The following PPP2CA variants were observed in gnomAD, a reference collection of about 807,000 sequenced individuals.
PPP2CA encodes serine/threonine-protein phosphatase 2A catalytic subunit alpha isoform.
Under a neutral mutation model 38.8 loss-of-function variants are expected in PPP2CA, and 5 were observed. The ratio of observed to expected loss-of-function variants is 0.13; its 90% CI spans 0.07 to 0.27. The LOEUF (loss-of-function observed/expected upper bound fraction) is 0.27, where lower values mean the gene tolerates loss of function less well. Among genes scored for constraint, PPP2CA ranks in the 10% least tolerant of loss-of-function variants. PPP2CA has a pLI of 1.00. For synonymous variants in PPP2CA, 152 were observed against 134.0 expected (o/e 1.13, Z -0.93); for missense variants, 88 against 389.7 (o/e 0.23, Z 6.52).
rs1168640590 is a variant in PPP2CA, at chr5:134,201,821, T to C, written c.486+27A>G. On this transcript the variant is annotated intron_variant, in intron 3 of 6. Transcript: ENST00000481195. The stretch of plus-strand genomic sequence containing the variant: ...AAAGAAAGCAGATTCTCTGAAATAA[T>C]CAGCAATGAGTTTTAGATCCACATA... The C allele has an allele frequency of 2.5e-6, 4 of 1,602,472 alleles. No individual in the cohort carries two copies. The South Asian group carries it at 3.4e-5, about 14-fold the overall frequency.
intron 3 of PPP2CA, among the ~76,000 whole-genome samples, chr5:134,201,587 G>A (rs550578882): frequency 2.0e-5 from 3 of 152,194 alleles, no homozygotes; most frequent in African/African-American, 4.8e-5. Flanking sequence ...TCCAAAAACA[G>A]TCTGAGAGGG....
intron 1 of PPP2CA, among the ~76,000 whole-genome samples, chr5:134,211,798 T>C (rs1290863484): frequency 1.3e-5 from 2 of 151,874 alleles, no homozygotes; most frequent in Admixed American, 6.6e-5. Flanking sequence ...TAAAAGTACA[T>C]GAACCAACAA....
intron 1 of PPP2CA, among the ~76,000 whole-genome samples, chr5:134,221,460 G>C (rs1443936877): frequency 2.6e-5 from 4 of 152,114 alleles, no homozygotes; most frequent in African/African-American, 4.8e-5. Context: ...TAAAAAGTCA[G>C]TTATACTTTA....
At chr5:134,221,611 T>C (rs1233392499) in intron 1 of PPP2CA, among the ~76,000 whole-genome samples, 1 of 152,148 alleles carries the variant, frequency 6.6e-6, no homozygotes, top group East Asian at 1.9e-4. Context: ...ATAATTACTC[T>C]TTCCAAGACA....
rs1280146685 is a variant in PPP2CA, at chr5:134,194,987, A to G, written c.*2785T>C. 2 of 152,178 alleles carry G rather than the reference A, an allele frequency of 1.3e-5. No homozygotes were observed. Among genetic ancestry groups the G allele is most frequent in the African/African-American group, 2.4e-5 (1 of 41,448 alleles). The allele number at this position is 152,178 out of a possible 1,614,324, so 9.4% of individuals were successfully genotyped here. On this transcript the variant is annotated 3_prime_UTR_variant, in exon 7 of 7. Transcript: ENST00000481195. ...CCTGGGCCCTCCTCCAGCAATTTAA[A>G]TCAGAATCTCTGTAGGCATCAAAGC...
chr5:134,201,795 T>C, intron 3 of PPP2CA, 53 bp downstream of exon 3: 2 of 1,571,026 alleles, frequency 1.3e-6, no homozygotes, highest in Non-Finnish European at 1.7e-6. Flanking sequence ...ACCTGAACAC[T>C]AAAGAAAGCA....
At chr5:134,224,151 T>C in intron 1 of PPP2CA, 1 of 353,646 alleles carries the variant, frequency 2.8e-6, no homozygotes, top group Middle Eastern at 4.2e-4. Flanking sequence ...ATGCACTGAA[T>C]TCCAAAAATC....
At chr5:134,215,309 C>T (rs1273379125) in intron 1 of PPP2CA, among the ~76,000 whole-genome samples, 3 of 152,072 alleles carry the variant, frequency 2.0e-5, no homozygotes, top group Admixed American at 2.0e-4. Context: ...GTGGCTCACG[C>T]CTGTAATCCC....
intron 1 of PPP2CA, among the ~76,000 whole-genome samples, chr5:134,224,949 TTA>T (rs1424132715): frequency 1.3e-5 from 2 of 152,240 alleles, no homozygotes; most frequent in African/African-American, 2.4e-5. Flanking sequence ...CTCTTCCATT[TTA>T]TGTTGTTCAT....
intron 1 of PPP2CA, among the ~76,000 whole-genome samples, chr5:134,224,654 G>A (rs1762524090): frequency 6.6e-6 from 1 of 152,178 alleles, no homozygotes; most frequent in Non-Finnish European, 1.5e-5. Context: ...GTGTACTTTA[G>A]AAAACTGAGT....
chr5:134,226,057 A>C lies in PPP2CA; in HGVS notation c.-196T>G. The stretch of plus-strand genomic sequence containing the variant: ...CTCCTCCTCCGCTCGCTGAGGCTCC[A>C]GAGCTCGGCTCTCTGTAATGGCGGC... On this transcript the variant is annotated 5_prime_UTR_variant, in exon 1 of 7. Transcript: ENST00000481195. 1 of 516,574 alleles carries C rather than the reference A, an allele frequency of 1.9e-6. No individual in the cohort carries two copies. Among genetic ancestry groups the C allele is most frequent in the Admixed American group, 3.8e-5 (1 of 26,256 alleles). The allele number at this position is 516,574 out of a possible 1,614,324, so 32.0% of individuals were successfully genotyped here. A position where few individuals can be genotyped will look rare whatever the true frequency, so the allele number is the denominator to read the frequency against.
chr5:134,225,679 A>C, intron 1 of PPP2CA, 81 bp downstream of exon 1: 1 of 1,343,438 alleles, frequency 7.4e-7, no homozygotes, highest in Non-Finnish European at 1.0e-6. Context: ...GGCCTCCGCC[A>C]TGTTGCACCC....
At chr5:134,209,346 C>G (rs925235344) in intron 1 of PPP2CA, among the ~76,000 whole-genome samples, 5 of 151,910 alleles carry the variant, frequency 3.3e-5, no homozygotes, top group Admixed American at 3.3e-4. Context: ...TGGAAAGAAC[C>G]AGTTTTAAGC....
intron 6 of PPP2CA, among the ~76,000 whole-genome samples, chr5:134,198,620 C>T (rs1332854418): frequency 6.6e-6 from 1 of 152,140 alleles, no homozygotes; most frequent in East Asian, 1.9e-4. Context: ...GGCTGGAACG[C>T]AGTGGCGCGA....
rs1423096456 is a variant in PPP2CA, at chr5:134,197,651, T to C, written c.*121A>G. 5.1e-6 allele frequency: 4 copies of C among 786,050 alleles called. No individual in the cohort carries two copies. Among genetic ancestry groups the C allele is most frequent in the South Asian group, 1.6e-5 (1 of 61,470 alleles). 48.7% of individuals were successfully genotyped at this position (786,050 alleles called of 1,614,324 possible). On this transcript the variant is annotated 3_prime_UTR_variant, in exon 7 of 7. Coordinates refer to ENST00000481195, the MANE Select transcript of PPP2CA (RefSeq NM_002715.4). The stretch of plus-strand genomic sequence containing the variant: ...TTTATATGGCACATCTTTTGGTCCA[T>C]GTGAAAACAAGTTTTTTGAATGTTA...
At position 134,225,929 on chromosome 5, in the gene PPP2CA, C is replaced by A. The variant is rs1762570791; in HGVS notation, c.-68G>T. ...GCGCCGCCGCCCGCACACGGGCCTA[C>A]ACGCACACGCCGCCGCCGGTTCCTC... On this transcript the variant is annotated 5_prime_UTR_variant, in exon 1 of 7. Coordinates refer to ENST00000481195, the MANE Select transcript of PPP2CA (RefSeq NM_002715.4). 9.8e-6 allele frequency: 14 copies of A among 1,424,974 alleles called. No homozygotes were observed. The highest frequency in any genetic ancestry group is 1.4e-5 in the Non-Finnish European group (14 of 1,034,450). 88.3% of individuals were successfully genotyped at this position (1,424,974 alleles called of 1,614,324 possible). A position where few individuals can be genotyped will look rare whatever the true frequency, so the allele number is the denominator to read the frequency against.
At chr5:134,209,811 C>T (rs1446050395) in intron 1 of PPP2CA, among the ~76,000 whole-genome samples, 2 of 151,790 alleles carry the variant, frequency 1.3e-5, no homozygotes, top group African/African-American at 4.8e-5. Context: ...AGTGCAGCGG[C>T]TCATGCCTGT....
intron 1 of PPP2CA, among the ~76,000 whole-genome samples, chr5:134,214,969 C>T (rs1468430773): frequency 1.3e-5 from 2 of 151,424 alleles, no homozygotes; most frequent in African/African-American, 2.4e-5. Context: ...AAACTTGCAT[C>T]GTTAACATTA....
At chr5:134,218,273 G>C (rs1295062587) in intron 1 of PPP2CA, among the ~76,000 whole-genome samples, 1 of 152,112 alleles carries the variant, frequency 6.6e-6, no homozygotes, top group Non-Finnish European at 1.5e-5. Context: ...CTAAGGCTTA[G>C]GACCTAAATA....
Sources: gnomAD v4.1 joint callset for allele counts (sites outside exome capture counted in the v4.1 genomes callset) on GRCh38, gnomAD v4.1.1 for gene constraint, MANE v1.5 for transcripts, NCBI Gene and HGNC (gene_info 2026-07-23, HGNC 2026-07-21) for gene names.